ZW10: variants seen among roughly 807,000 people sequenced by gnomAD.
ZW10 encodes the protein zw10 kinetochore protein.
Under a neutral mutation model 87.8 loss-of-function variants are expected in ZW10, and 53 were observed. That is an observed-to-expected ratio of 0.60 (90% CI 0.48 to 0.76). The LOEUF (loss-of-function observed/expected upper bound fraction) is 0.76, where lower values mean the gene tolerates loss of function less well. Among genes scored for constraint, ZW10 ranks in the 30% least tolerant of loss-of-function variants. The probability of loss-of-function intolerance (pLI) is 0.00; values close to 1 mark genes in which losing one functional copy is unlikely to be tolerated. For synonymous variants in ZW10, 312 were observed against 329.2 expected, an observed-to-expected ratio of 0.95 and a Z score of 0.57; for missense variants, 837 against 923.0, an observed-to-expected ratio of 0.91 and a Z score of 1.21.
At chr11:113,764,797 T>C (rs542068219) in intron 2 of ZW10, among the ~76,000 whole-genome samples, 1 of 152,350 alleles carries the variant, frequency 6.6e-6, no homozygotes, top group African/African-American at 2.4e-5. Context: ...TCCTTCCTTC[T>C]GAAACATTCT....
At chr11:113,740,059 T>A (rs1414113796) in intron 11 of ZW10, among the ~76,000 whole-genome samples, 9 of 152,116 alleles carry the variant, frequency 5.9e-5, no homozygotes, top group African/African-American at 2.2e-4. Context: ...CTAACAGTCA[T>A]TCAATTAACA....
chr11:113,765,917 A>G lies in ZW10; in HGVS notation c.240+2916T>C, dbSNP rs188024889. Among the ~76,000 whole-genome samples, 5 of 152,318 alleles carry G rather than the reference A, an allele frequency of 3.3e-5. No homozygotes were observed. In the East Asian group the frequency reaches 9.6e-4, roughly 29 times the overall value. ...CATTAAAAAGAGTCGGGTTCCTTAA[A>G]GTCAGGAGTCCTTTTCTATTAATAT... On this transcript the variant is annotated intron_variant, in intron 2 of 15. Coordinates refer to ENST00000200135, the MANE Select transcript of ZW10 (RefSeq NM_004724.4).
chr11:113,755,710 G>C (rs903412962), intron 7 of ZW10, among the ~76,000 whole-genome samples: 5 of 152,118 alleles, frequency 3.3e-5, no homozygotes, highest in Non-Finnish European at 7.3e-5. Flanking sequence ...TTCATGAAGG[G>C]AAGTCAATTG....
intron 2 of ZW10, among the ~76,000 whole-genome samples, chr11:113,767,877 C>A (rs1258583968): frequency 6.6e-6 from 1 of 152,160 alleles, no homozygotes; most frequent in Non-Finnish European, 1.5e-5. Flanking sequence ...TACCTCCATG[C>A]CTCTGCCTAC....
At chr11:113,762,436 G>T (rs1470039379) in intron 2 of ZW10, among the ~76,000 whole-genome samples, 2 of 151,972 alleles carry the variant, frequency 1.3e-5, no homozygotes, top group Non-Finnish European at 2.9e-5. Context: ...ATACATTTAG[G>T]TAACACTAAA....
chr11:113,769,112 A>C, intron 1 of ZW10, 145 bp from the exon 2 acceptor site: 1 of 750,846 alleles, frequency 1.3e-6, no homozygotes. Flanking sequence ...CTCCAAGCCA[A>C]TGAGTTTATT....
chr11:113,740,418 A>G (rs1197519707), intron 11 of ZW10, among the ~76,000 whole-genome samples: 2 of 151,972 alleles, frequency 1.3e-5, no homozygotes, highest in Non-Finnish European at 2.9e-5. Context: ...TACAGACCCT[A>G]TCATTACAAA....
rs1565287120 is a variant in ZW10 at position 113,760,879 on chromosome 11, C to T, written c.280G>A (p.Asp94Asn). 1 of 1,614,070 alleles carries T rather than the reference C, an allele frequency of 6.2e-7. No individual in the cohort carries two copies. ...DLHVSTGEFT[D>N]LKQQLERDSV... ...TCTCTTTCCAACTGCTGCTTTAAGT[C>T]TGTAAATTCACCGGTTGATACGTGA... Residue 94 changes from aspartate to asparagine, a missense_variant, in exon 3 of 16, where the codon GAC becomes AAC. Transcript: ENST00000200135.
rs1937668808 is a variant in ZW10 at position 113,773,594 on chromosome 11, T to G, written c.73A>C (p.Ser25Arg). Residue 25 changes from serine to arginine, a missense_variant, in exon 1 of 16, where the codon AGC (serine) becomes CGC (arginine). Ser to Arg is a moderately radical substitution (Grantham distance 110). Transcript: ENST00000200135. ...LEKEDLGTRI[S>R]RLTRRVEEIK... Reference sequence around the variant, plus strand: ...TCCTCCACCCGCCGGGTCAGGCGGCTGATCCGGGTCCCCAGATCCTCCTTT... The same window carrying G: ...TCCTCCACCCGCCGGGTCAGGCGGCGGATCCGGGTCCCCAGATCCTCCTTT... 6.2e-7 allele frequency: 1 copy of G among 1,613,880 alleles called. No homozygotes were observed. The highest frequency in any genetic ancestry group is 1.3e-5 in the African/African-American group (1 of 74,946).
intron 2 of ZW10, among the ~76,000 whole-genome samples, chr11:113,763,928 C>G (rs1230451692): frequency 6.6e-6 from 1 of 152,140 alleles, no homozygotes. Context: ...TCAGGAAGTC[C>G]TTGCCCATGC....
At chr11:113,733,899 G>A in intron 15 of ZW10, 85 bp from the exon 16 acceptor site, 2 of 1,438,202 alleles carry the variant, frequency 1.4e-6, no homozygotes, top group Non-Finnish European at 9.3e-7. Context: ...TGATCCAAAT[G>A]CTTATTTGCT....
chr11:113,736,524 A>G, intron 15 of ZW10, 96 bp downstream of exon 15: 1 of 1,255,862 alleles, frequency 8.0e-7, no homozygotes, highest in Non-Finnish European at 1.2e-6. Flanking sequence ...TGCATGACTA[A>G]CATCAGGAAA....
intron 2 of ZW10, among the ~76,000 whole-genome samples, chr11:113,764,896 TC>T (rs1204425604): frequency 6.6e-6 from 1 of 152,246 alleles, no homozygotes; most frequent in African/African-American, 2.4e-5. Context: ...AGCTTCATTT[TC>T]TGACCACTCC....
Position 113,739,318 on chromosome 11 carries a change from G to T in ZW10, c.1648C>A (p.His550Asn), listed in dbSNP as rs756817719. The T allele has an allele frequency of 1.9e-6, 3 of 1,613,764 alleles. No individual in the cohort carries two copies. Among genetic ancestry groups the T allele is most frequent in the Admixed American group, 3.3e-5 (2 of 59,996 alleles). The change falls in exon 12 of 16, where the codon CAC (histidine) becomes AAC (asparagine). Residue 550 changes from histidine (H) to asparagine (N), a missense_variant. By Grantham distance (68) the His-to-Asn change is moderately conservative (BLOSUM62 1). Transcript: ENST00000200135. ...TGATGCCCGAGGGTCAGCAAGTGGT[G>T]AGCAATGTACATACAGTTGTTGTGA... Reference protein sequence around the residue: ...IHHNNCMYIAHHLLTLGHQFR... With the variant: ...IHHNNCMYIANHLLTLGHQFR...
chr11:113,754,419 A>AGGTTGCAGTGAGCCGAGATCAT (rs1218404986), intron 7 of ZW10, among the ~76,000 whole-genome samples: 5 of 152,024 alleles, frequency 3.3e-5, no homozygotes, highest in Admixed American at 6.6e-5. Context: ...CAGGAGGCAG[A>AGGTTGCAGTGAGCCGAGATCAT]GGTTGCAGTG....
At position 113,741,727 on chromosome 11, in the gene ZW10, T is replaced by G; in HGVS notation, c.1550A>C (p.His517Pro). The G allele has an allele frequency of 6.2e-7, 1 of 1,608,442 alleles. No individual in the cohort carries two copies. The highest frequency in any genetic ancestry group is 8.5e-7 in the Non-Finnish European group (1 of 1,177,496). ...QLFYSVRNIF[H>P]LFHDVVPTYH... ...TGTTGGTACAACATCATGGAACAAA[T>G]GGAAGATATTCCTCACTGAGTAGAA... Residue 517 changes from histidine (H) to proline (P), a missense_variant, in exon 11 of 16, where the codon CAT becomes CCT. Physicochemically the swap from His to Pro is moderately conservative, Grantham distance 77. Transcript: ENST00000200135.
chr11:113,749,974 G>A (rs1218882340), intron 7 of ZW10, among the ~76,000 whole-genome samples: 1 of 152,158 alleles, frequency 6.6e-6, no homozygotes, highest in Non-Finnish European at 1.5e-5. Flanking sequence ...ACATTGTAAT[G>A]TGTTTATTTG....
chr11:113,745,673 G>T (rs939421424), intron 9 of ZW10, among the ~76,000 whole-genome samples: 1 of 152,152 alleles, frequency 6.6e-6, no homozygotes, highest in Non-Finnish European at 1.5e-5. Flanking sequence ...TTCATGAGGA[G>T]GGGCAAAGGA....
At chr11:113,748,790 T>A (rs987254370) in intron 7 of ZW10, among the ~76,000 whole-genome samples, 3 of 152,228 alleles carry the variant, frequency 2.0e-5, no homozygotes, top group African/African-American at 7.2e-5. Flanking sequence ...TGAATAAACA[T>A]ACTTTTTTCG....
Sources: allele counts gnomAD v4.1 joint callset (sites outside exome capture counted in the v4.1 genomes callset), GRCh38; gene constraint gnomAD v4.1.1; transcripts MANE v1.5; gene names NCBI Gene and HGNC (gene_info 2026-07-23, HGNC 2026-07-21).